The following CNTNAP3B variants were observed in gnomAD, a reference collection of about 807,000 sequenced individuals.
CNTNAP3B encodes contactin associated protein family member 3B.
Under a neutral mutation model 108.9 loss-of-function variants are expected in CNTNAP3B, and 25 were observed. The ratio of observed to expected loss-of-function variants is 0.23; its 90% CI spans 0.17 to 0.32. The LOEUF (loss-of-function observed/expected upper bound fraction) is 0.32, where lower values mean the gene tolerates loss of function less well. Ranked by LOEUF, CNTNAP3B falls within the 10% of genes least tolerant of loss-of-function variation. The pLI, the probability that CNTNAP3B is intolerant of heterozygous loss-of-function variation, is 1.00. For synonymous variants in CNTNAP3B, 103 were observed against 473.4 expected (o/e 0.22, Z 10.16); for missense variants, 252 against 1,210.4 (o/e 0.21, Z 11.75).
intron 3 of CNTNAP3B, among the ~76,000 whole-genome samples, chr9:42,075,318 G>C (rs1014127403): frequency 2.1e-5 from 3 of 144,468 alleles, no homozygotes; most frequent in African/African-American, 8.1e-5. Flanking sequence ...ATATGTCTTT[G>C]GGAAACCACA....
At chr9:41,925,021 A>G (rs1164866100) in intron 15 of CNTNAP3B, among the ~76,000 whole-genome samples, 1 of 151,586 alleles carries the variant, frequency 6.6e-6, no homozygotes, top group Non-Finnish European at 1.5e-5. Flanking sequence ...AGCAATGCTG[A>G]TAAGCCCATC....
At chr9:42,077,142 A>C in intron 2 of CNTNAP3B, 80 bp from the exon 3 acceptor site, 2 of 815,544 alleles carry the variant, frequency 2.5e-6, no homozygotes, top group Non-Finnish European at 3.6e-6. Flanking sequence ...AGAAAACTAT[A>C]AAATTATGAA....
rs539790472 is a variant in CNTNAP3B at position 42,095,193 on chromosome 9, G to A, written c.196+9436C>T. On this transcript the variant is annotated intron_variant, in intron 2 of 23. Transcript: ENST00000377561. ...TTCCCTATCCACCTTCTCCTCTAGC[G>A]TCTGGTAACCACCATTCTACTCTCT... 1.5e-4 allele frequency among the ~76,000 whole-genome samples: 21 copies of A among 138,076 alleles called. 4 individuals carry two copies. The East Asian group carries it at 2.4e-3, about 16-fold the overall frequency. 90.6% of individuals were successfully genotyped at this position (138,076 alleles called of 152,430 possible).
intron 9 of CNTNAP3B, among the ~76,000 whole-genome samples, chr9:41,972,994 G>T (rs1390182434): frequency 8.7e-6 from 1 of 114,710 alleles, no homozygotes; most frequent in Non-Finnish European, 1.7e-5. Context: ...CTGCAGTGCA[G>T]TGGTGTGATC....
rs1381258817 is a variant in CNTNAP3B at position 42,098,175 on chromosome 9, T to C, written c.196+6454A>G. Among the ~76,000 whole-genome samples, 21 of 138,494 alleles carry C rather than the reference T, an allele frequency of 1.5e-4. 4 individuals are homozygous for C. The highest frequency in any genetic ancestry group is 1.2e-3 in the Admixed American group (16 of 13,910). The allele number at this position is 138,494 out of a possible 152,430, so 90.9% of individuals were successfully genotyped here. On this transcript the variant is annotated intron_variant, in intron 2 of 23. Transcript: ENST00000377561. Reference sequence around the variant, plus strand: ...AGTTTATAAAAGCAACTTTTGACCATTTTCTCTGTGTGTGTGTCTACATAG... The same window carrying C: ...AGTTTATAAAAGCAACTTTTGACCACTTTCTCTGTGTGTGTGTCTACATAG...
intron 13 of CNTNAP3B, among the ~76,000 whole-genome samples, chr9:41,944,525 CA>C (rs1824465055): frequency 6.6e-6 from 1 of 152,268 alleles, no homozygotes; most frequent in South Asian, 2.1e-4. Flanking sequence ...ACCACTAAAA[CA>C]ATTACCAAGA....
intron 9 of CNTNAP3B, among the ~76,000 whole-genome samples, chr9:41,978,900 C>T (rs1486255007): frequency 1.6e-4 from 23 of 147,418 alleles, no homozygotes; most frequent in South Asian, 4.3e-4. Flanking sequence ...TATATCAAAT[C>T]GTCACATAGT....
In CNTNAP3B at chr9:42,056,643, C is replaced by T. The variant is rs1321806641; in HGVS notation, c.390+20226G>A. On this transcript the variant is annotated intron_variant, in intron 3 of 23. Transcript: ENST00000377561. ...GGGATTACGGGTGTGAGCCACCGCGCCAAGCATTATCTCATAAATTTATAT... is the reference window on the plus strand; with the variant it reads ...GGGATTACGGGTGTGAGCCACCGCGTCAAGCATTATCTCATAAATTTATAT... Among the ~76,000 whole-genome samples the T allele has an allele frequency of 3.6e-5, 5 of 138,268 alleles. 1 individual carries two copies. Among genetic ancestry groups the T allele is most frequent in the African/African-American group, 8.6e-5 (3 of 34,876 alleles). The allele number at this position is 138,268 out of a possible 152,430, so 90.7% of individuals were successfully genotyped here.
chr9:42,030,788 T>A (rs1395285427), intron 3 of CNTNAP3B, among the ~76,000 whole-genome samples: 44 of 32,776 alleles, frequency 1.3e-3, no homozygotes, highest in South Asian at 3.5e-3. Context: ...GAGAGAGATG[T>A]GTGCGAGAGA....
chr9:41,919,864 A>G (rs1823621069), intron 18 of CNTNAP3B, among the ~76,000 whole-genome samples: 1 of 152,304 alleles, frequency 6.6e-6, no homozygotes, highest in Admixed American at 6.5e-5. Flanking sequence ...CTTCTAAATA[A>G]GAAACCCAGA....
intron 3 of CNTNAP3B, among the ~76,000 whole-genome samples, chr9:42,022,118 C>T (rs1304709678): frequency 7.4e-6 from 1 of 135,548 alleles, no homozygotes; most frequent in Admixed American, 7.4e-5. Flanking sequence ...AGCCATTTGT[C>T]CAGAGGTCAC....
At position 42,109,010 on chromosome 9, in the gene CNTNAP3B, T is replaced by G. The variant is rs887882700; in HGVS notation, c.86-4271A>C. Among the ~76,000 whole-genome samples the G allele has an allele frequency of 3.6e-5, 5 of 139,558 alleles. 1 individual carries two copies. Among genetic ancestry groups the G allele is most frequent in the African/African-American group, 1.4e-4 (5 of 35,236 alleles). The allele number at this position is 139,558 out of a possible 152,430, so 91.6% of individuals were successfully genotyped here. On this transcript the variant is annotated intron_variant, in intron 1 of 23. Transcript: ENST00000377561. Reference sequence around the variant, plus strand: ...CAATTTTTACCACATGAATATGAAATGATTAAAAAATCAATTTGAGGAATT... The same window carrying G: ...CAATTTTTACCACATGAATATGAAAGGATTAAAAAATCAATTTGAGGAATT...
At chr9:41,969,095 C>T (rs1306540827) in intron 10 of CNTNAP3B, among the ~76,000 whole-genome samples, 1 of 152,296 alleles carries the variant, frequency 6.6e-6, no homozygotes, top group Non-Finnish European at 1.5e-5. Context: ...CACGCTGGGC[C>T]AGATTATCAC....
intron 2 of CNTNAP3B, among the ~76,000 whole-genome samples, chr9:42,088,323 T>C (rs1827746928): frequency 7.9e-6 from 1 of 127,074 alleles, no homozygotes; most frequent in Non-Finnish European, 1.6e-5. Context: ...ATGCCTCAAT[T>C]TCAAAAATTT....
At chr9:42,070,578 A>G (rs1235404288) in intron 3 of CNTNAP3B, among the ~76,000 whole-genome samples, 2 of 147,188 alleles carry the variant, frequency 1.4e-5, no homozygotes, top group African/African-American at 5.2e-5. Flanking sequence ...CCTACTGTCA[A>G]CCAACTGTGT....
At chr9:41,951,006 G>A (rs1824661526) in intron 13 of CNTNAP3B, among the ~76,000 whole-genome samples, 2 of 110,284 alleles carry the variant, frequency 1.8e-5, no homozygotes, top group South Asian at 2.9e-4. Flanking sequence ...CGCCCGCCTC[G>A]GCCTCCCGAA....
At chr9:41,976,879 C>T (rs541279188) in intron 9 of CNTNAP3B, among the ~76,000 whole-genome samples, 9 of 134,886 alleles carry the variant, frequency 6.7e-5, no homozygotes, top group South Asian at 2.4e-4. Flanking sequence ...GTGATTGCTC[C>T]ATTGCACTCC....
intron 3 of CNTNAP3B, among the ~76,000 whole-genome samples, chr9:42,024,694 AC>A (rs1207773924): frequency 7.2e-6 from 1 of 139,602 alleles, no homozygotes; most frequent in Non-Finnish European, 1.6e-5. Flanking sequence ...AGAAAAAAAA[AC>A]ATGAAAAGAT....
intron 10 of CNTNAP3B, among the ~76,000 whole-genome samples, chr9:41,966,559 C>G (rs1825281399): frequency 2.6e-5 from 4 of 152,226 alleles, no homozygotes; most frequent in Admixed American, 2.6e-4. Flanking sequence ...CCTCCCTGCT[C>G]AGGGAGCCCC....
Sources: gnomAD v4.1 joint callset for allele counts (sites outside exome capture counted in the v4.1 genomes callset) on GRCh38, gnomAD v4.1.1 for gene constraint, MANE v1.5 for transcripts, NCBI Gene and HGNC (gene_info 2026-07-23, HGNC 2026-07-21) for gene names.